Variants in THRB observed in about 807,000 individuals in gnomAD.
THRB encodes thyroid hormone receptor beta.
THRB carries 12 observed loss-of-function variants against 47.8 expected under a neutral mutation model. The observed-to-expected ratio is 0.25, with a 90% CI of 0.16 to 0.41. THRB has a LOEUF of 0.41. Ranked by LOEUF, THRB falls within the 10% of genes least tolerant of loss-of-function variation. The pLI is 1.00. For missense variants in THRB, 348 were observed against 589.2 expected (o/e 0.59, Z 4.24); for synonymous variants, 218 against 212.2 (o/e 1.03, Z -0.24).
intron 1 of THRB, among the ~76,000 whole-genome samples, chr3:24,462,382 G>C (rs1370206994): frequency 1.3e-5 from 2 of 152,212 alleles, no homozygotes; most frequent in East Asian, 3.9e-4. Flanking sequence ...CATGTCTCTT[G>C]CTATGAGAAG....
intron 5 of THRB, among the ~76,000 whole-genome samples, chr3:24,181,234 C>T (rs573073504): frequency 2.6e-5 from 4 of 152,132 alleles, no homozygotes; most frequent in East Asian, 3.9e-4. Context: ...CCTTGTCTTC[C>T]CCACAAGGGA....
intron 6 of THRB, among the ~76,000 whole-genome samples, chr3:24,149,523 T>C (rs2036595560): frequency 6.6e-6 from 1 of 152,198 alleles, no homozygotes; most frequent in Non-Finnish European, 1.5e-5. Flanking sequence ...AATGAAATAA[T>C]TTATACTTTG....
At chr3:24,137,617 G>A (rs975243008) in intron 8 of THRB, among the ~76,000 whole-genome samples, 14 of 152,178 alleles carry the variant, frequency 9.2e-5, no homozygotes, top group Admixed American at 7.2e-4. Flanking sequence ...GGCCCGTGTG[G>A]TTAGAGCCCA....
chr3:24,203,317 G>A (rs2044825304), intron 4 of THRB, among the ~76,000 whole-genome samples: 1 of 152,200 alleles, frequency 6.6e-6, no homozygotes, highest in African/African-American at 2.4e-5. Flanking sequence ...AGGAGGCTGA[G>A]GTGGGAGGAT....
chr3:24,375,648 C>T (rs1295646903), intron 1 of THRB, among the ~76,000 whole-genome samples: 1 of 151,184 alleles, frequency 6.6e-6, no homozygotes, highest in Non-Finnish European at 1.5e-5. Context: ...TCTTAGACCC[C>T]CCCAGACTAC....
chr3:24,128,397 T>C (rs879388117), intron 9 of THRB, among the ~76,000 whole-genome samples: 3 of 152,194 alleles, frequency 2.0e-5, no homozygotes, highest in African/African-American at 7.2e-5. Context: ...CTCAGCACCT[T>C]AGACACAGGA....
intron 4 of THRB, among the ~76,000 whole-genome samples, chr3:24,204,714 G>A (rs769776363): frequency 7.2e-5 from 11 of 152,160 alleles, no homozygotes; most frequent in Non-Finnish European, 1.6e-4. Flanking sequence ...TGAGCTAAAG[G>A]AGGAAATTTG....
At chr3:24,385,316 G>T (rs1430681134) in intron 1 of THRB, among the ~76,000 whole-genome samples, 2 of 151,914 alleles carry the variant, frequency 1.3e-5, no homozygotes, top group East Asian at 3.9e-4. Context: ...TTTTATAACA[G>T]AAATTTCTTT....
intron 9 of THRB, among the ~76,000 whole-genome samples, chr3:24,130,622 G>C (rs2033705290): frequency 6.6e-6 from 1 of 152,118 alleles, no homozygotes; most frequent in Non-Finnish European, 1.5e-5. Context: ...CATCCCCTCA[G>C]ACAAAAGAGA....
Position 24,127,614 on chromosome 3 carries a change from A to G in THRB, c.1029T>C (p.Asn343=). ...CGTCTGACACCACCCCAAGACCCCC[A>G]TTTTTCAGCTGGCCCCGTGTCACTG... ...EMAVTRGQLK[N]GGLGVVSDAI... The change falls in exon 10 of 11, where the codon AAT becomes AAC. Residue 343 remains asparagine (N), a synonymous_variant. Transcript: ENST00000646209. 1.2e-6 allele frequency: 2 copies of G among 1,613,916 alleles called. No individual in the cohort carries two copies. Among genetic ancestry groups the G allele is most frequent in the Admixed American group, 1.7e-5 (1 of 60,006 alleles).
intron 4 of THRB, among the ~76,000 whole-genome samples, chr3:24,221,515 G>A (rs529275024): frequency 3.9e-4 from 60 of 152,298 alleles, no homozygotes; most frequent in Admixed American, 9.8e-4. Context: ...GGATGATGAT[G>A]TGGGAGGCAA....
At chr3:24,393,212 G>C (rs963194945) in intron 1 of THRB, among the ~76,000 whole-genome samples, 3 of 152,114 alleles carry the variant, frequency 2.0e-5, no homozygotes, top group Admixed American at 1.3e-4. Flanking sequence ...GAACATTTCA[G>C]GGAGGCCCAT....
intron 4 of THRB, among the ~76,000 whole-genome samples, chr3:24,228,296 T>C (rs2047881361): frequency 6.6e-6 from 1 of 152,226 alleles, no homozygotes. Context: ...AAGGTCATTC[T>C]GCCTCTCCTT....
intron 1 of THRB, among the ~76,000 whole-genome samples, chr3:24,381,335 C>T (rs376228670): frequency 7.6e-4 from 115 of 152,192 alleles, no homozygotes; most frequent in African/African-American, 2.6e-3. Flanking sequence ...GAGAGAAAAG[C>T]ACTTCTAGGA....
chr3:24,248,432 A>T (rs1450597970), intron 3 of THRB, among the ~76,000 whole-genome samples: 1 of 151,696 alleles, frequency 6.6e-6, no homozygotes, highest in Non-Finnish European at 1.5e-5. Flanking sequence ...CAATGAATAA[A>T]GCTGGTTAGC....
chr3:24,438,097 T>A (rs1191728479), intron 1 of THRB, among the ~76,000 whole-genome samples: 6 of 145,260 alleles, frequency 4.1e-5, no homozygotes, highest in East Asian at 4.1e-4. Context: ...TTTTTTTTTT[T>A]ATTTTATTAT....
chr3:24,349,659 T>G (rs2063242832), intron 1 of THRB, among the ~76,000 whole-genome samples: 1 of 152,096 alleles, frequency 6.6e-6, no homozygotes. Flanking sequence ...AAAATATTTT[T>G]GTACCTCACT....
chr3:24,265,673 T>C (rs2052579144), intron 3 of THRB, among the ~76,000 whole-genome samples: 1 of 152,182 alleles, frequency 6.6e-6, no homozygotes, highest in South Asian at 2.1e-4. Flanking sequence ...CATCCTAAGA[T>C]TTATATAGAA....
chr3:24,234,912 G>T (rs1023053036), intron 3 of THRB, among the ~76,000 whole-genome samples: 2 of 152,166 alleles, frequency 1.3e-5, no homozygotes, highest in African/African-American at 2.4e-5. Flanking sequence ...AGGCCAGATG[G>T]TGAAGAGTCT....
Sources: gnomAD v4.1 joint callset for allele counts (sites outside exome capture counted in the v4.1 genomes callset) on GRCh38, gnomAD v4.1.1 for gene constraint, MANE v1.5 for transcripts, NCBI Gene and HGNC (gene_info 2026-07-23, HGNC 2026-07-21) for gene names.